Variants in SOBP observed in about 807,000 individuals in gnomAD.
SOBP encodes sine oculis-binding protein homolog.
Under a neutral mutation model 53.6 loss-of-function variants are expected in SOBP, and 4 were observed. The observed-to-expected ratio is 0.07, with a 90% confidence interval of 0.04 to 0.17. The LOEUF (loss-of-function observed/expected upper bound fraction) is 0.17. SOBP is among the 10% of genes least tolerant of loss of function. The pLI, the probability that SOBP is intolerant of heterozygous loss-of-function variation, is 1.00. For synonymous variants in SOBP, 584 were observed against 522.6 expected (o/e 1.12, Z -1.60); for missense variants, 1,088 against 1,204.7 (o/e 0.90, Z 1.43).
chr6:107,572,007 T>C (rs1785086604), intron 4 of SOBP, among the ~76,000 whole-genome samples: 1 of 152,112 alleles, frequency 6.6e-6, no homozygotes, highest in African/African-American at 2.4e-5. Flanking sequence ...TAAGATGAAA[T>C]AAATCGGTAA....
intron 4 of SOBP, among the ~76,000 whole-genome samples, chr6:107,556,302 C>G (rs1784607941): frequency 6.6e-6 from 1 of 152,228 alleles, no homozygotes; most frequent in African/African-American, 2.4e-5. Flanking sequence ...CCCAGTAAAT[C>G]AGTGCTTTGT....
At chr6:107,616,174 T>C (rs1429652843) in intron 5 of SOBP, among the ~76,000 whole-genome samples, 1 of 149,786 alleles carries the variant, frequency 6.7e-6, no homozygotes, top group Admixed American at 6.7e-5. Context: ...TCCTGTGCAC[T>C]CTTGGGATCT....
At chr6:107,534,378 G>A (rs1783929406) in intron 4 of SOBP, among the ~76,000 whole-genome samples, 1 of 152,206 alleles carries the variant, frequency 6.6e-6, no homozygotes, top group Non-Finnish European at 1.5e-5. Flanking sequence ...AAGAACTGCT[G>A]TAGCCTTTGC....
In SOBP at chr6:107,490,700, T is replaced by C. The variant is rs1454778025; in HGVS notation, c.84T>C (p.Asn28=). The part of the protein sequence containing the change: ...KPAHPVKREI[N]EEMKNFAENT... ...CTCACCCAGTGAAAAGGGAGATCAA[T>C]GAGGAGATGAAGGTATTTTTTGATC... Residue 28 remains asparagine, a synonymous_variant, in exon 1 of 7, where the codon AAT becomes AAC. Coordinates refer to ENST00000317357, the MANE Select transcript of SOBP (RefSeq NM_018013.4). The C allele has an allele frequency of 6.9e-6, 11 of 1,603,282 alleles. No individual in the cohort carries two copies. The highest frequency in any genetic ancestry group is 9.4e-6 in the Non-Finnish European group (11 of 1,174,454).
intron 3 of SOBP, chr6:107,529,626 A>G: frequency 1.0e-6 from 1 of 985,352 alleles, no homozygotes; most frequent in African/African-American, 1.7e-5. Context: ...GTTAGTATAC[A>G]TGTTTATAGC....
At chr6:107,601,493 T>C (rs1786178871) in intron 5 of SOBP, among the ~76,000 whole-genome samples, 1 of 152,234 alleles carries the variant, frequency 6.6e-6, no homozygotes, top group Admixed American at 6.5e-5. Context: ...TGAAACTATT[T>C]AGATTAAATT....
chr6:107,587,194 C>A lies in SOBP; in HGVS notation c.669+19C>A, dbSNP rs1186457303. The A allele has an allele frequency of 1.3e-6, 2 of 1,587,454 alleles. No homozygotes were observed. The highest frequency in any genetic ancestry group is 2.2e-5 in the East Asian group (1 of 44,698). On this transcript the variant is annotated intron_variant, in intron 5 of 6. Coordinates refer to ENST00000317357, the MANE Select transcript of SOBP (RefSeq NM_018013.4). ...ACTACTTGTAAGAATAACATACTTA[C>A]AACAAGTCTAGAATGTTACTTTAGC... is the stretch of plus-strand genomic sequence containing the variant.
At chr6:107,511,872 G>T (rs551465408) in intron 3 of SOBP, among the ~76,000 whole-genome samples, 1 of 152,136 alleles carries the variant, frequency 6.6e-6, no homozygotes, top group Admixed American at 6.5e-5. Flanking sequence ...CCTTGGTATG[G>T]TTTGTGACAG....
At chr6:107,587,304 C>T (rs1785597819) in intron 5 of SOBP, 129 bp downstream of exon 5, 1 of 751,436 alleles carries the variant, frequency 1.3e-6, no homozygotes, top group Non-Finnish European at 2.3e-6. Context: ...GTTCTAAATG[C>T]TAATTCTGAT....
chr6:107,644,174 C>T (rs1031101527), intron 6 of SOBP, among the ~76,000 whole-genome samples: 2 of 152,184 alleles, frequency 1.3e-5, no homozygotes, highest in Non-Finnish European at 2.9e-5. Context: ...CATGATGGCG[C>T]ATGGCTGTAG....
chr6:107,571,481 C>T (rs554623007), intron 4 of SOBP, among the ~76,000 whole-genome samples: 6 of 152,336 alleles, frequency 3.9e-5, no homozygotes, highest in Admixed American at 2.6e-4. Context: ...GTCGGAGCCT[C>T]CCCTTAACGC....
intron 5 of SOBP, among the ~76,000 whole-genome samples, chr6:107,609,263 A>C (rs1418121424): frequency 6.6e-6 from 1 of 152,232 alleles, no homozygotes; most frequent in Non-Finnish European, 1.5e-5. Flanking sequence ...AACTGTAAAT[A>C]GGCATTCTAA....
intron 5 of SOBP, among the ~76,000 whole-genome samples, chr6:107,604,854 G>T (rs912723577): frequency 3.9e-5 from 6 of 152,218 alleles, no homozygotes; most frequent in African/African-American, 7.2e-5. Context: ...GTGCGTGCAT[G>T]TACATGCAGC....
At chr6:107,595,531 T>C (rs189366322) in intron 5 of SOBP, among the ~76,000 whole-genome samples, 16 of 152,238 alleles carry the variant, frequency 1.1e-4, no homozygotes, top group African/African-American at 3.8e-4. Flanking sequence ...TTACTAGAAC[T>C]GAACAATTGC....
intron 4 of SOBP, among the ~76,000 whole-genome samples, chr6:107,563,249 C>T (rs1370632203): frequency 6.6e-6 from 1 of 152,032 alleles, no homozygotes; most frequent in Non-Finnish European, 1.5e-5. Flanking sequence ...AGAGTGAGAC[C>T]CCATCGCAAA....
chr6:107,522,039 T>C (rs936744336), intron 3 of SOBP, among the ~76,000 whole-genome samples: 5 of 151,666 alleles, frequency 3.3e-5, no homozygotes, highest in Non-Finnish European at 5.9e-5. Context: ...AAGGTCTCCC[T>C]AGGATGAGGT....
chr6:107,632,159 A>G (rs966440922), intron 5 of SOBP, among the ~76,000 whole-genome samples: 6 of 152,182 alleles, frequency 3.9e-5, no homozygotes, highest in Non-Finnish European at 8.8e-5. Flanking sequence ...CGCACCAACA[A>G]CAGAACAACA....
At chr6:107,567,759 A>G (rs1784959129) in intron 4 of SOBP, among the ~76,000 whole-genome samples, 1 of 152,214 alleles carries the variant, frequency 6.6e-6, no homozygotes, top group African/African-American at 2.4e-5. Flanking sequence ...TCATTTCTTG[A>G]TCCAATAAGG....
chr6:107,609,433 C>T (rs138240259), intron 5 of SOBP, among the ~76,000 whole-genome samples: 3 of 152,300 alleles, frequency 2.0e-5, no homozygotes, highest in East Asian at 1.9e-4. Flanking sequence ...AGGTTGTATA[C>T]TCTTAGGCTA....
Sources: gnomAD v4.1 joint callset for allele counts (sites outside exome capture counted in the v4.1 genomes callset) on GRCh38, gnomAD v4.1.1 for gene constraint, MANE v1.5 for transcripts, NCBI Gene and HGNC (gene_info 2026-07-23, HGNC 2026-07-21) for gene names.